EPS15: variants seen among roughly 807,000 people sequenced by gnomAD.
EPS15 encodes epidermal growth factor receptor pathway substrate 15, also known as epidermal growth factor receptor substrate 15.
Under a neutral mutation model 113.8 loss-of-function variants are expected in EPS15, and 72 were observed. The observed-to-expected ratio is 0.63, with a 90% CI of 0.52 to 0.77. EPS15 has a LOEUF of 0.77. EPS15 is among the 30% of genes least tolerant of loss of function. The pLI is 0.00. For synonymous variants in EPS15, 344 were observed against 363.4 expected (o/e 0.95, Z 0.61); for missense variants, 1,048 against 1,045.8 (o/e 1.00, Z -0.03).
chr1:51,383,089 A>G (rs1485105506), intron 21 of EPS15, among the ~76,000 whole-genome samples: 3 of 152,254 alleles, frequency 2.0e-5, no homozygotes, highest in Non-Finnish European at 2.9e-5. Context: ...AAATCATTCA[A>G]TGTAATACAC....
chr1:51,447,641 T>C (rs1653175809), intron 9 of EPS15, among the ~76,000 whole-genome samples: 1 of 151,882 alleles, frequency 6.6e-6, no homozygotes, highest in African/African-American at 2.4e-5. Flanking sequence ...TAAACAAAAA[T>C]AAAAACAACT....
At chr1:51,429,161 C>T (rs1449056496) in intron 12 of EPS15, among the ~76,000 whole-genome samples, 5 of 152,242 alleles carry the variant, frequency 3.3e-5, no homozygotes, top group Non-Finnish European at 5.9e-5. Flanking sequence ...TGAGCCACCA[C>T]GCCTGGCCAG....
At chr1:51,517,953 T>G (rs1471444980) in intron 1 of EPS15, among the ~76,000 whole-genome samples, 1 of 152,162 alleles carries the variant, frequency 6.6e-6, no homozygotes, top group African/African-American at 2.4e-5. Flanking sequence ...AAAACTCCAC[T>G]GCCGAAATGT....
At chr1:51,399,686 C>T (rs1167119837) in intron 19 of EPS15, among the ~76,000 whole-genome samples, 1 of 150,968 alleles carries the variant, frequency 6.6e-6, no homozygotes, top group Non-Finnish European at 1.5e-5. Context: ...CAGTGAAACC[C>T]TGTCTCTACT....
intron 21 of EPS15, among the ~76,000 whole-genome samples, chr1:51,369,786 A>G (rs1239915322): frequency 1.3e-5 from 2 of 152,160 alleles, no homozygotes; most frequent in Non-Finnish European, 2.9e-5. Flanking sequence ...ATATTTGTTC[A>G]TTGCCTATCT....
rs201872621 is a variant in EPS15, at chr1:51,408,195, C to G, written c.1413G>C (p.Gly471=). ...GCTGAAGAGGTTCCAACTGAGCCTT[C>G]CCTGACTCTACACTCTCCTCCAATT... is the stretch of plus-strand genomic sequence containing the variant. The part of the protein sequence containing the change: ...TAELEESVES[G]KAQLEPLQQH... Residue 471 remains glycine, a synonymous_variant, in exon 15 of 25, where the codon GGG becomes GGC. Coordinates refer to ENST00000371733, the MANE Select transcript of EPS15 (RefSeq NM_001981.3). 1.4e-4 allele frequency: 221 copies of G among 1,614,094 alleles called. 5 individuals are homozygous for G. The South Asian group carries it at 1.5e-3, about 11-fold the overall frequency.
chr1:51,443,251 T>C (rs188218138), intron 11 of EPS15, among the ~76,000 whole-genome samples: 3 of 151,874 alleles, frequency 2.0e-5, no homozygotes, highest in Admixed American at 1.3e-4. Context: ...TTCTGTCATA[T>C]CTAAAATTTG....
At chr1:51,514,730 T>C (rs551998715) in intron 1 of EPS15, among the ~76,000 whole-genome samples, 3 of 152,286 alleles carry the variant, frequency 2.0e-5, no homozygotes, top group African/African-American at 7.2e-5. Flanking sequence ...CCTGAGAGAC[T>C]TGCTATTGGA....
intron 1 of EPS15, among the ~76,000 whole-genome samples, chr1:51,481,989 G>GT (rs1259038276): frequency 1.3e-5 from 2 of 152,086 alleles, no homozygotes; most frequent in Non-Finnish European, 2.9e-5. Flanking sequence ...GGGCATCACA[G>GT]TGAGACCTCG....
intron 8 of EPS15, among the ~76,000 whole-genome samples, chr1:51,448,828 C>T (rs1653291646): frequency 6.6e-6 from 1 of 152,184 alleles, no homozygotes; most frequent in Non-Finnish European, 1.5e-5. Flanking sequence ...TAAAAGCTCT[C>T]TGCCCTCCTT....
intron 12 of EPS15, among the ~76,000 whole-genome samples, chr1:51,436,626 G>A (rs1200568936): frequency 6.6e-6 from 1 of 152,180 alleles, no homozygotes; most frequent in Non-Finnish European, 1.5e-5. Flanking sequence ...AGAGAGTATG[G>A]AGGTTGGGAG....
intron 1 of EPS15, among the ~76,000 whole-genome samples, chr1:51,517,038 T>A (rs188158060): frequency 6.6e-6 from 1 of 152,244 alleles, no homozygotes; most frequent in East Asian, 1.9e-4. Context: ...ATTGTTATCT[T>A]AGTGTATTGG....
intron 1 of EPS15, among the ~76,000 whole-genome samples, chr1:51,504,887 G>C (rs147337438): frequency 6.6e-6 from 1 of 152,180 alleles, no homozygotes; most frequent in Non-Finnish European, 1.5e-5. Context: ...TTGGGCGGCC[G>C]AAGCGGGTGG....
At chr1:51,428,113 C>A (rs1017756995) in intron 12 of EPS15, among the ~76,000 whole-genome samples, 5 of 151,662 alleles carry the variant, frequency 3.3e-5, no homozygotes, top group Non-Finnish European at 7.4e-5. Flanking sequence ...AAAAAAAAAA[C>A]CTGTCAACTG....
At chr1:51,440,311 GTGTA>G (rs778559304) in intron 12 of EPS15, 32 bp downstream of exon 12, 15 of 744,636 alleles carry the variant, frequency 2.0e-5, no homozygotes, top group Middle Eastern at 2.8e-4. Flanking sequence ...GTGTGTGTGT[GTGTA>G]TGTGAGTAGG....
chr1:51,436,128 T>C (rs186838918), intron 12 of EPS15, among the ~76,000 whole-genome samples: 1 of 152,220 alleles, frequency 6.6e-6, no homozygotes, highest in Non-Finnish European at 1.5e-5. Flanking sequence ...AAATAGCTTT[T>C]TAGTACCACA....
intron 4 of EPS15, among the ~76,000 whole-genome samples, chr1:51,469,970 T>C (rs943049415): frequency 2.0e-5 from 3 of 152,162 alleles, no homozygotes; most frequent in African/African-American, 7.2e-5. Context: ...ACCCTCCTAG[T>C]TCTCTTCTGA....
chr1:51,507,898 C>T (rs1644525478), intron 1 of EPS15, among the ~76,000 whole-genome samples: 1 of 151,976 alleles, frequency 6.6e-6, no homozygotes, highest in African/African-American at 2.4e-5. Context: ...AACATTTAGG[C>T]CCAACGCGGT....
At chr1:51,491,222 TTC>T (rs1190800444) in intron 1 of EPS15, among the ~76,000 whole-genome samples, 2 of 152,212 alleles carry the variant, frequency 1.3e-5, no homozygotes, top group Non-Finnish European at 2.9e-5. Flanking sequence ...ATAAAATTAT[TTC>T]TGACATATTA....
Sources: gnomAD v4.1 joint callset for allele counts (sites outside exome capture counted in the v4.1 genomes callset) on GRCh38, gnomAD v4.1.1 for gene constraint, MANE v1.5 for transcripts, NCBI Gene and HGNC (gene_info 2026-07-23, HGNC 2026-07-21) for gene names.